Variants in KALRN observed in about 807,000 individuals in gnomAD.
KALRN encodes the protein kalirin.
In KALRN, 70 loss-of-function variants were observed where a neutral mutation model predicts 353.7. The ratio of observed to expected loss-of-function variants is 0.20; its 90% CI spans 0.16 to 0.24. The LOEUF (loss-of-function observed/expected upper bound fraction) is 0.24. Among genes scored for constraint, KALRN ranks in the 10% least tolerant of loss-of-function variants. The probability of loss-of-function intolerance (pLI) is 1.00; values close to 1 mark genes in which losing one functional copy is unlikely to be tolerated. For missense variants in KALRN, 2,791 were observed against 3,756.7 expected (o/e 0.74, Z 6.72); for synonymous variants, 1,391 against 1,434.8 (o/e 0.97, Z 0.69).
chr3:124,052,760 A>T (rs1467070683), intron 1 of KALRN, among the ~76,000 whole-genome samples: 1 of 151,968 alleles, frequency 6.6e-6, no homozygotes, highest in Non-Finnish European at 1.5e-5. Flanking sequence ...ATAAGACTAT[A>T]GTAGTGGATA....
chr3:124,685,647 T>G (rs945942183), intron 51 of KALRN, among the ~76,000 whole-genome samples: 9 of 152,214 alleles, frequency 5.9e-5, no homozygotes, highest in Non-Finnish European at 1.0e-4. Flanking sequence ...TCTTGACTAT[T>G]GGGATAATTA....
At chr3:124,658,635 C>T (rs1559787603) in intron 42 of KALRN, 118 bp downstream of exon 42, 2 of 753,922 alleles carry the variant, frequency 2.7e-6, no homozygotes, top group East Asian at 2.6e-5. Flanking sequence ...CACCGTTGAC[C>T]CATTCATGGC....
intron 19 of KALRN, among the ~76,000 whole-genome samples, chr3:124,444,843 G>A (rs517545): frequency 2.0e-5 from 3 of 149,308 alleles, no homozygotes; most frequent in Non-Finnish European, 3.0e-5. Context: ...GAAAGAGAGA[G>A]AAAGAAAAAA....
intron 14 of KALRN, among the ~76,000 whole-genome samples, chr3:124,417,013 G>A (rs757626592): frequency 6.6e-6 from 1 of 152,146 alleles, no homozygotes; most frequent in Non-Finnish European, 1.5e-5. Context: ...AAATCCCTCT[G>A]GTGTGCCTAC....
At chr3:124,047,554 G>A (rs1019625040) in intron 1 of KALRN, among the ~76,000 whole-genome samples, 9 of 147,562 alleles carry the variant, frequency 6.1e-5, no homozygotes, top group Admixed American at 6.8e-5. Flanking sequence ...GTGCAGTGGC[G>A]CGATCTCTGT....
intron 1 of KALRN, among the ~76,000 whole-genome samples, chr3:124,041,507 T>C (rs2039964046): frequency 6.6e-6 from 1 of 152,218 alleles, no homozygotes; most frequent in Non-Finnish European, 1.5e-5. Flanking sequence ...CTTCTCATTT[T>C]GGTTTCCCAA....
At chr3:124,111,471 G>A (rs972010229) in intron 1 of KALRN, among the ~76,000 whole-genome samples, 12 of 152,128 alleles carry the variant, frequency 7.9e-5, no homozygotes, top group South Asian at 2.1e-4. Context: ...TTGTCTTTGC[G>A]TCCCCTGAAG....
chr3:124,517,115 C>T (rs755830611), intron 33 of KALRN, among the ~76,000 whole-genome samples: 2 of 152,158 alleles, frequency 1.3e-5, no homozygotes, highest in Non-Finnish European at 2.9e-5. Context: ...CATGCCCGGC[C>T]GTGATTTAAA....
chr3:124,342,977 C>G (rs562885198), intron 9 of KALRN, among the ~76,000 whole-genome samples: 2 of 152,234 alleles, frequency 1.3e-5, no homozygotes, highest in South Asian at 4.1e-4. Flanking sequence ...TACCACCTGC[C>G]TCTCCATCTC....
chr3:124,685,838 G>C (rs181939400), intron 51 of KALRN, among the ~76,000 whole-genome samples: 1 of 152,030 alleles, frequency 6.6e-6, no homozygotes, highest in African/African-American at 2.4e-5. Flanking sequence ...GGCCTAACCC[G>C]TTTCGTTTAC....
chr3:124,155,161 A>G (rs2068790329), intron 1 of KALRN, among the ~76,000 whole-genome samples: 1 of 152,214 alleles, frequency 6.6e-6, no homozygotes, highest in Non-Finnish European at 1.5e-5. Flanking sequence ...AAACCCTAGA[A>G]GAAAACCTGG....
At chr3:124,221,405 G>C (rs75831439) in intron 1 of KALRN, among the ~76,000 whole-genome samples, 1,546 of 152,260 alleles carry the variant, frequency 0.01, 11 homozygotes, top group Middle Eastern at 0.02. Context: ...CCCTGTGTGA[G>C]GTTCTGGAGT....
intron 1 of KALRN, among the ~76,000 whole-genome samples, chr3:124,129,288 G>A (rs2065022201): frequency 6.6e-6 from 1 of 152,094 alleles, no homozygotes; most frequent in Non-Finnish European, 1.5e-5. Context: ...TCTTCCTACT[G>A]TTGTCTTTTG....
Position 124,051,020 on chromosome 3 carries a change from A to G in KALRN, c.73+17207A>G, listed in dbSNP as rs80089869. On this transcript the variant is annotated intron_variant, in intron 1 of 59. Coordinates refer to ENST00000682506, the MANE Select transcript of KALRN (RefSeq NM_001388419.1). ...TTTAAAAAGTATTACCCTAGTTAAA[A>G]CAATAATTTGGGGGGAAGAAAGGTT... is the stretch of plus-strand genomic sequence containing the variant. Among the ~76,000 whole-genome samples the G allele has an allele frequency of 2.9e-4, 44 of 152,318 alleles. No individual in the cohort carries two copies. The East Asian group carries it at 8.5e-3, about 29-fold the overall frequency.
intron 33 of KALRN, among the ~76,000 whole-genome samples, chr3:124,557,165 T>C (rs2071366511): frequency 6.6e-6 from 1 of 152,214 alleles, no homozygotes; most frequent in Non-Finnish European, 1.5e-5. Context: ...TGGGTACAAA[T>C]GATCCCGTCA....
chr3:124,344,373 C>T (rs893208865), intron 9 of KALRN, among the ~76,000 whole-genome samples: 3 of 152,232 alleles, frequency 2.0e-5, no homozygotes, highest in African/African-American at 7.2e-5. Flanking sequence ...CTCTGCTGCG[C>T]AGGATCTGCA....
intron 1 of KALRN, among the ~76,000 whole-genome samples, chr3:124,067,491 A>T (rs2042467945): frequency 6.6e-6 from 1 of 152,178 alleles, no homozygotes; most frequent in Non-Finnish European, 1.5e-5. Flanking sequence ...ACAGCAAAAA[A>T]CAAAAAACCA....
At position 124,584,955 on chromosome 3, in the gene KALRN, G is replaced by A. The variant is rs1179361258; in HGVS notation, c.5182+21866G>A. 3.2e-6 allele frequency: 5 copies of A among 1,556,184 alleles called. No homozygotes were observed. In the East Asian group the frequency reaches 9.7e-5, roughly 30 times the overall value. On this transcript the variant is annotated intron_variant, in intron 34 of 59. Transcript: ENST00000682506. ...GTGCCTTCTGTTAGCCAGACTGGTC[G>A]CGCTCAGCGCGAGGGAGGGTGGTAG...
At chr3:124,668,277 A>T (rs1330150278) in intron 47 of KALRN, among the ~76,000 whole-genome samples, 1 of 152,134 alleles carries the variant, frequency 6.6e-6, no homozygotes, top group Non-Finnish European at 1.5e-5. Flanking sequence ...CAAATACAGC[A>T]TTTTCTGGAT....
Sources: gnomAD v4.1 joint callset for allele counts (sites outside exome capture counted in the v4.1 genomes callset) on GRCh38, gnomAD v4.1.1 for gene constraint, MANE v1.5 for transcripts, NCBI Gene and HGNC (gene_info 2026-07-23, HGNC 2026-07-21) for gene names.